Variants in HS2ST1 observed in about 807,000 individuals in gnomAD.
HS2ST1 encodes the protein 2-O-sulfotransferase.
Under a neutral mutation model 42.9 loss-of-function variants are expected in HS2ST1, and 18 were observed. The ratio of observed to expected loss-of-function variants is 0.42; its 90% CI spans 0.29 to 0.62. HS2ST1 has a LOEUF of 0.62. Among genes scored for constraint, HS2ST1 ranks in the 20% least tolerant of loss-of-function variants. HS2ST1 has a pLI of 0.21. For missense variants in HS2ST1, 334 were observed against 433.8 expected, an observed-to-expected ratio of 0.77 and a Z score of 2.04; for synonymous variants, 146 against 152.9, an observed-to-expected ratio of 0.95 and a Z score of 0.33.
At chr1:87,097,448 C>T (rs1424741862) in intron 4 of HS2ST1, among the ~76,000 whole-genome samples, 1 of 152,132 alleles carries the variant, frequency 6.6e-6, no homozygotes, top group Non-Finnish European at 1.5e-5. Context: ...GGCTGGAGTG[C>T]AGTGTCTCCA....
chr1:87,105,570 G>A lies in HS2ST1; in HGVS notation c.*874G>A, dbSNP rs914837631. 6.6e-6 allele frequency: 1 copy of A among 152,348 alleles called. No individual in the cohort carries two copies. Among genetic ancestry groups the A allele is most frequent in the African/African-American group, 2.4e-5 (1 of 41,362 alleles). The allele number at this position is 152,348 out of a possible 1,614,324, so 9.4% of individuals were successfully genotyped here. On this transcript the variant is annotated 3_prime_UTR_variant, in exon 7 of 7. Coordinates refer to ENST00000370550, the MANE Select transcript of HS2ST1 (RefSeq NM_012262.4). ...TGGGTAGGATTTTCCTACTTCTTCTGTACTTTTACCTGTAGACTATTTTTA... is the reference window on the plus strand; with the variant it reads ...TGGGTAGGATTTTCCTACTTCTTCTATACTTTTACCTGTAGACTATTTTTA...
chr1:86,938,875 G>A (rs1054692218), intron 1 of HS2ST1, among the ~76,000 whole-genome samples: 2 of 152,108 alleles, frequency 1.3e-5, no homozygotes, highest in African/African-American at 2.4e-5. Flanking sequence ...CTGCTATTAC[G>A]ACAAAGTAAA....
intron 1 of HS2ST1, among the ~76,000 whole-genome samples, chr1:87,019,482 C>A (rs1050591508): frequency 3.9e-5 from 6 of 152,144 alleles, no homozygotes; most frequent in Non-Finnish European, 7.4e-5. Flanking sequence ...TGTGAAATAT[C>A]TTTTTAATAT....
intron 1 of HS2ST1, among the ~76,000 whole-genome samples, chr1:87,031,159 T>G (rs895920092): frequency 2.0e-5 from 3 of 152,142 alleles, no homozygotes; most frequent in Non-Finnish European, 4.4e-5. Flanking sequence ...CAGGCTAGTC[T>G]TGAGCTCCTG....
chr1:86,992,663 A>G (rs900184750), intron 1 of HS2ST1, among the ~76,000 whole-genome samples: 14 of 152,210 alleles, frequency 9.2e-5, no homozygotes, highest in Non-Finnish European at 5.9e-5. Flanking sequence ...CACCTGGCAA[A>G]TTTTTTGTTT....
At chr1:86,968,068 A>G (rs1333438794) in intron 1 of HS2ST1, among the ~76,000 whole-genome samples, 2 of 152,092 alleles carry the variant, frequency 1.3e-5, no homozygotes, top group East Asian at 1.9e-4. Flanking sequence ...AGCGTTTCAT[A>G]TGTTTTTTGG....
intron 4 of HS2ST1, among the ~76,000 whole-genome samples, chr1:87,094,428 G>T (rs1652016447): frequency 6.6e-6 from 1 of 152,014 alleles, no homozygotes. Context: ...ATTTTTTCAG[G>T]TAGCTTGCGC....
intron 1 of HS2ST1, among the ~76,000 whole-genome samples, chr1:86,926,281 A>G (rs1045899403): frequency 1.3e-5 from 2 of 152,280 alleles, no homozygotes; most frequent in African/African-American, 4.8e-5. Context: ...CTTAACACAT[A>G]TACACTGAGA....
chr1:86,924,200 C>T (rs956236673), intron 1 of HS2ST1, among the ~76,000 whole-genome samples: 1 of 152,236 alleles, frequency 6.6e-6, no homozygotes, highest in African/African-American at 2.4e-5. Flanking sequence ...TGTCTCACAT[C>T]CAGGTCACAC....
chr1:86,945,113 A>T (rs569829408), intron 1 of HS2ST1, among the ~76,000 whole-genome samples: 1 of 152,150 alleles, frequency 6.6e-6, no homozygotes, highest in Non-Finnish European at 1.5e-5. Flanking sequence ...AAAGTAGCAG[A>T]TATTTGAAGT....
At chr1:86,928,530 T>C (rs748542447) in intron 1 of HS2ST1, among the ~76,000 whole-genome samples, 4 of 151,942 alleles carry the variant, frequency 2.6e-5, no homozygotes, top group East Asian at 1.9e-4. Context: ...CACAGTCTTA[T>C]TGCTTTTCAA....
At chr1:87,101,224 G>A (rs1240282915) in intron 5 of HS2ST1, among the ~76,000 whole-genome samples, 1 of 134,756 alleles carries the variant, frequency 7.4e-6, no homozygotes, top group Non-Finnish European at 1.5e-5. Context: ...GGAGTGCAGT[G>A]GCACGATCTC....
rs575690947 is a variant in HS2ST1, at chr1:86,995,196, T to G, written c.125-77738T>G. 3.9e-5 allele frequency among the ~76,000 whole-genome samples: 6 copies of G among 152,340 alleles called. No individual in the cohort carries two copies. The South Asian group carries it at 1.2e-3, about 32-fold the overall frequency. On this transcript the variant is annotated intron_variant, in intron 1 of 6. Transcript: ENST00000370550. ...TGAAAGCAAAAATCTACACTTGATT[T>G]TATAATTGACCTATTTGTTTTCAAA...
At chr1:87,007,528 A>G (rs1228506221) in intron 1 of HS2ST1, among the ~76,000 whole-genome samples, 3 of 152,130 alleles carry the variant, frequency 2.0e-5, no homozygotes, top group African/African-American at 7.2e-5. Flanking sequence ...CCAGCATAGC[A>G]AGGCTGGTTA....
At chr1:87,061,386 C>T (rs543842981) in intron 1 of HS2ST1, among the ~76,000 whole-genome samples, 5 of 152,088 alleles carry the variant, frequency 3.3e-5, no homozygotes, top group South Asian at 2.1e-4. Context: ...CACCGTTAAT[C>T]GGGTGCTTTC....
intron 1 of HS2ST1, among the ~76,000 whole-genome samples, chr1:87,065,239 CAA>C (rs964091417): frequency 6.6e-6 from 1 of 152,152 alleles, no homozygotes; most frequent in African/African-American, 2.4e-5. Context: ...GCACACAGCT[CAA>C]GATTCATTCC....
rs1411660302 is a variant in HS2ST1 at position 87,105,502 on chromosome 1, T to C, written c.*806T>C. On this transcript the variant is annotated 3_prime_UTR_variant, in exon 7 of 7. Coordinates refer to ENST00000370550, the MANE Select transcript of HS2ST1 (RefSeq NM_012262.4). ...TTATTTGTAAAGCTGTAAACTGAGA[T>C]ATCGGTGACTCCGTATTATGACTCC... The C allele has an allele frequency of 1.3e-5, 2 of 152,314 alleles. No homozygotes were observed. Among genetic ancestry groups the C allele is most frequent in the African/African-American group, 2.4e-5 (1 of 41,460 alleles). 9.4% of individuals were successfully genotyped at this position (152,314 alleles called of 1,614,324 possible).
intron 1 of HS2ST1, among the ~76,000 whole-genome samples, chr1:86,990,836 ATTTTTTTTTTTTT>A (rs55739816): frequency 2.3e-5 from 1 of 44,232 alleles, no homozygotes; most frequent in Non-Finnish European, 3.9e-5. Context: ...ATATATATAT[ATTTTTTTTTTTTT>A]TTTTTTTTTT....
intron 1 of HS2ST1, 70 bp downstream of exon 1, chr1:86,915,230 T>TGGGC (rs1276722943): frequency 6.5e-7 from 1 of 1,533,886 alleles, no homozygotes; most frequent in African/African-American, 1.4e-5. Context: ...CCGGAGCAAG[T>TGGGC]GGGCGTTCAT....
Sources: gnomAD v4.1 joint callset for allele counts (sites outside exome capture counted in the v4.1 genomes callset) on GRCh38, gnomAD v4.1.1 for gene constraint, MANE v1.5 for transcripts, NCBI Gene and HGNC (gene_info 2026-07-23, HGNC 2026-07-21) for gene names.